The following BAALC variants were observed in gnomAD, a reference collection of about 807,000 sequenced individuals.
The protein encoded by BAALC is BAALC binder of MAP3K1 and KLF4, also known as brain and acute leukemia cytoplasmic protein.
A neutral mutation model predicts 15.5 loss-of-function variants in BAALC; 9 were observed. The observed-to-expected ratio is 0.58, with a 90% confidence interval of 0.35 to 1.02. BAALC has a LOEUF of 1.02. Among genes scored for constraint, BAALC ranks in the 50% least tolerant of loss-of-function variants. The pLI is 0.02. For synonymous variants in BAALC, 80 were observed against 74.6 expected (o/e 1.07, Z -0.37); for missense variants, 201 against 192.4 (o/e 1.04, Z -0.27).
chr8:103,217,885 G>C (rs1404123863), intron 2 of BAALC, among the ~76,000 whole-genome samples: 1 of 152,170 alleles, frequency 6.6e-6, no homozygotes, highest in African/African-American at 2.4e-5. Flanking sequence ...AGGATCCAGG[G>C]GTAGAAAAGA....
At chr8:103,206,210 C>A (rs749918357) in intron 1 of BAALC, among the ~76,000 whole-genome samples, 9 of 152,032 alleles carry the variant, frequency 5.9e-5, no homozygotes. Context: ...TTAATAAATC[C>A]TTTTTTAAAG....
intron 1 of BAALC, among the ~76,000 whole-genome samples, chr8:103,141,981 A>T (rs1379745457): frequency 6.6e-6 from 1 of 152,232 alleles, no homozygotes; most frequent in African/African-American, 2.4e-5. Flanking sequence ...TGGTGACATT[A>T]AAAGGAAAAA....
At chr8:103,144,165 T>A (rs1433829961) in intron 1 of BAALC, among the ~76,000 whole-genome samples, 3 of 152,200 alleles carry the variant, frequency 2.0e-5, no homozygotes, top group Non-Finnish European at 4.4e-5. Flanking sequence ...ATGACAGGTG[T>A]TCAGCAAATA....
At chr8:103,196,066 C>T (rs1178484735) in intron 1 of BAALC, among the ~76,000 whole-genome samples, 2 of 152,138 alleles carry the variant, frequency 1.3e-5, no homozygotes, top group African/African-American at 4.8e-5. Flanking sequence ...GTAGAAGGAA[C>T]AGTGTTATAA....
At chr8:103,160,294 C>T (rs565306952) in intron 1 of BAALC, among the ~76,000 whole-genome samples, 1 of 152,258 alleles carries the variant, frequency 6.6e-6, no homozygotes, top group Admixed American at 6.5e-5. Context: ...TTAAATATCC[C>T]TTAGAGGATT....
intron 1 of BAALC, among the ~76,000 whole-genome samples, chr8:103,204,059 A>G (rs1294471984): frequency 2.0e-5 from 3 of 152,160 alleles, no homozygotes; most frequent in Non-Finnish European, 4.4e-5. Flanking sequence ...AGATTTCCAA[A>G]TTCTCTACAT....
intron 1 of BAALC, among the ~76,000 whole-genome samples, chr8:103,196,254 T>C (rs1812094455): frequency 6.6e-6 from 1 of 152,078 alleles, no homozygotes; most frequent in Non-Finnish European, 1.5e-5. Context: ...TAGGCCATGA[T>C]CACATTTGTA....
chr8:103,176,322 A>C (rs1811605333), intron 1 of BAALC, among the ~76,000 whole-genome samples: 1 of 152,212 alleles, frequency 6.6e-6, no homozygotes, highest in Non-Finnish European at 1.5e-5. Context: ...TGTGCTAGGC[A>C]CTGTTCTAGT....
intron 1 of BAALC, among the ~76,000 whole-genome samples, chr8:103,185,099 C>G (rs1811804047): frequency 6.6e-6 from 1 of 152,006 alleles, no homozygotes; most frequent in African/African-American, 2.4e-5. Context: ...CTGTACGTAC[C>G]AGGCAGCTTT....
At chr8:103,152,776 C>G (rs1386674866) in intron 1 of BAALC, among the ~76,000 whole-genome samples, 1 of 152,194 alleles carries the variant, frequency 6.6e-6, no homozygotes. Context: ...GCGGCCACAC[C>G]CAGTCACGGA....
At chr8:103,227,869 T>A (rs1812840845) in intron 2 of BAALC, 120 bp from the exon 3 acceptor site, 2 of 681,984 alleles carry the variant, frequency 2.9e-6, no homozygotes, top group Admixed American at 5.4e-5. Context: ...TATGTTCCTT[T>A]TTCCCAGGCA....
At chr8:103,198,176 C>G (rs1563650950) in intron 1 of BAALC, 1 of 696,210 alleles carries the variant, frequency 1.4e-6, no homozygotes. Context: ...AAAGGTAGGA[C>G]TTTTTTTTGT....
At chr8:103,164,068 TG>T (rs1358635168) in intron 1 of BAALC, among the ~76,000 whole-genome samples, 3 of 152,066 alleles carry the variant, frequency 2.0e-5, no homozygotes, top group Non-Finnish European at 2.9e-5. Context: ...TGACTGGAGA[TG>T]GGGAAGCCTA....
chr8:103,148,324 C>A (rs1387081710), intron 1 of BAALC, among the ~76,000 whole-genome samples: 1 of 152,206 alleles, frequency 6.6e-6, no homozygotes, highest in Non-Finnish European at 1.5e-5. Flanking sequence ...CAGAGAGAGG[C>A]AGGGGACAGA....
chr8:103,199,729 G>T (rs564532100), intron 1 of BAALC, among the ~76,000 whole-genome samples: 5 of 151,996 alleles, frequency 3.3e-5, no homozygotes, highest in African/African-American at 1.2e-4. Context: ...TGTCATGGGG[G>T]TTTGTTGTAC....
intron 1 of BAALC, among the ~76,000 whole-genome samples, chr8:103,192,930 G>A (rs920820400): frequency 6.6e-6 from 1 of 152,116 alleles, no homozygotes; most frequent in East Asian, 1.9e-4. Flanking sequence ...TCACCACCAG[G>A]GACAAGGAAT....
chr8:103,154,345 A>G (rs2129878547), intron 1 of BAALC, among the ~76,000 whole-genome samples: 1 of 152,082 alleles, frequency 6.6e-6, no homozygotes, highest in East Asian at 1.9e-4. Context: ...TTTCCTGTAC[A>G]CCAGCCCCTT....
intron 1 of BAALC, among the ~76,000 whole-genome samples, chr8:103,192,438 G>A (rs1383745334): frequency 6.6e-6 from 1 of 152,220 alleles, no homozygotes; most frequent in Non-Finnish European, 1.5e-5. Flanking sequence ...TTTCTAAATT[G>A]TTACTGAAAT....
chr8:103,171,381 C>A (rs373802016), intron 1 of BAALC, among the ~76,000 whole-genome samples: 188 of 58,176 alleles, frequency 3.2e-3, no homozygotes, highest in African/African-American at 0.01. Context: ...GAAAGAAAGG[C>A]AAGAGAGGAA....
Sources: allele counts gnomAD v4.1 joint callset (sites outside exome capture counted in the v4.1 genomes callset), GRCh38; gene constraint gnomAD v4.1.1; transcripts MANE v1.5; gene names NCBI Gene and HGNC (gene_info 2026-07-23, HGNC 2026-07-21).